GIMAP7: variants seen among roughly 807,000 people sequenced by gnomAD.
GIMAP7 encodes the protein GTPase IMAP family member 7.
For synonymous variants in GIMAP7, 137 were observed against 129.3 expected, an observed-to-expected ratio of 1.06 and a Z score of -0.40; for missense variants, 323 against 359.7, an observed-to-expected ratio of 0.90 and a Z score of 0.83.
In GIMAP7 at chr7:150,520,016, A is replaced by G. The variant is rs199907558; in HGVS notation, c.42A>G (p.Val14=). 6.9e-5 allele frequency: 111 copies of G among 1,614,008 alleles called. No individual in the cohort carries two copies. The highest frequency in any genetic ancestry group is 8.6e-5 in the Non-Finnish European group (101 of 1,180,000). ...SEDRSLRIVL[V]GKTGSGKSAT... is the part of the protein sequence containing the mutation. ...ACCGCTCCCTGAGGATCGTTCTGGT[A>G]GGGAAAACTGGAAGTGGGAAAAGTG... is the stretch of plus-strand genomic sequence containing the variant. The change falls in exon 2 of 2, where the codon GTA becomes GTG. Residue 14 remains valine, a synonymous_variant. Coordinates refer to ENST00000313543, the MANE Select transcript of GIMAP7 (RefSeq NM_153236.4).
chr7:150,517,258 G>T (rs1795144564), intron 1 of GIMAP7, among the ~76,000 whole-genome samples: 2 of 152,074 alleles, frequency 1.3e-5, no homozygotes, highest in Admixed American at 1.3e-4. Context: ...AATATATTTG[G>T]TATATTTTAA....
intron 1 of GIMAP7, among the ~76,000 whole-genome samples, chr7:150,519,693 A>C (rs1331222042): frequency 1.3e-5 from 2 of 152,168 alleles, no homozygotes; most frequent in Non-Finnish European, 2.9e-5. Context: ...TAAAAGGTTT[A>C]ATAGAATTCA....
rs559144497 is a variant in GIMAP7, at chr7:150,519,985, G to T, written c.11G>T (p.Ser4Ile). ...CCTCCTGACGTGAGCATGGCTGAGA[G>T]TGAGGACCGCTCCCTGAGGATCGTT... MAE[S>I]EDRSLRIVLV... The change falls in exon 2 of 2, where the codon AGT becomes ATT. Residue 4 changes from serine to isoleucine, a missense_variant. Transcript: ENST00000313543. 11 of 1,613,880 alleles carry T rather than the reference G, an allele frequency of 6.8e-6. No homozygotes were observed. Among genetic ancestry groups the T allele is most frequent in the Non-Finnish European group, 9.3e-6 (11 of 1,179,894 alleles).
At chr7:150,519,397 T>C (rs761200402) in intron 1 of GIMAP7, among the ~76,000 whole-genome samples, 1 of 152,206 alleles carries the variant, frequency 6.6e-6, no homozygotes, top group Non-Finnish European at 1.5e-5. Flanking sequence ...TCTTAACCTA[T>C]TAACGGGATG....
At chr7:150,519,638 A>G (rs1795166281) in intron 1 of GIMAP7, among the ~76,000 whole-genome samples, 1 of 152,128 alleles carries the variant, frequency 6.6e-6, no homozygotes, top group South Asian at 2.1e-4. Flanking sequence ...CCTTCTTTTT[A>G]TATGGCCAGG....
At chr7:150,519,904 C>CT (rs976379674) in intron 1 of GIMAP7, 30 bp from the exon 2 acceptor site, 183 of 1,449,254 alleles carry the variant, frequency 1.3e-4, no homozygotes, top group Non-Finnish European at 1.6e-4. Flanking sequence ...CTAAAACTGG[C>CT]TTTTTTTCCC....
rs182997420 is a variant in GIMAP7, at chr7:150,517,908, T to C, written c.-41-2026T>C. On this transcript the variant is annotated intron_variant, in intron 1 of 1. Coordinates refer to ENST00000313543, the MANE Select transcript of GIMAP7 (RefSeq NM_153236.4). ...TTCTTTTGTTTAGTTTTCAAATGGT[T>C]CTGCCATTGCTTTTTCACATGCACA... Among the ~76,000 whole-genome samples, 377 of 152,230 alleles carry C rather than the reference T, an allele frequency of 2.5e-3. 3 individuals are homozygous for C. The highest frequency in any genetic ancestry group is 2.2e-3 in the Non-Finnish European group (149 of 67,986).
chr7:150,520,454 C>A lies in GIMAP7; in HGVS notation c.480C>A (p.Cys160Ter). 6.2e-7 allele frequency: 1 copy of A among 1,614,174 alleles called. No homozygotes were observed. Among genetic ancestry groups the A allele is most frequent in the Non-Finnish European group, 8.5e-7 (1 of 1,180,032 alleles). ...GCCTAAAAAGCATCGTCAAGGAGTG[C>A]GGGAACCGCTGCTGTGCCTTTAGCA... ...DVGLKSIVKECGNRCCAFSNS... is the reference protein window; with the variant it reads ...DVGLKSIVKE Residue 160 changes from cysteine to a stop codon, truncating the protein, a stop_gained, in exon 2 of 2, where the codon TGC (cysteine) becomes TGA (stop). Transcript: ENST00000313543. LOFTEE classifies it low-confidence loss of function (END_TRUNC).
chr7:150,516,660 G>T (rs1795139884), intron 1 of GIMAP7, among the ~76,000 whole-genome samples: 1 of 152,154 alleles, frequency 6.6e-6, no homozygotes, highest in African/African-American at 2.4e-5. Context: ...TTCACTTAAT[G>T]TGTAGGTTTT....
At chr7:150,515,620 G>A (rs116976970) in intron 1 of GIMAP7, among the ~76,000 whole-genome samples, 2,123 of 152,262 alleles carry the variant, frequency 0.014, 29 homozygotes, top group Non-Finnish European at 0.02. Context: ...TTCTAGAACC[G>A]GTGGGTCTGG....
Position 150,520,375 on chromosome 7 carries a change from A to G in GIMAP7, c.401A>G (p.Lys134Arg). ...CACATGGTCATCTTGTTCACTCGCA[A>G]AGAAGAGTTGGAGGGCCAGAGCTTC... Reference protein sequence around the residue: ...MKHMVILFTRKEELEGQSFHD... With the variant: ...MKHMVILFTRREELEGQSFHD... The change falls in exon 2 of 2, where the codon AAA becomes AGA. Residue 134 changes from lysine (K) to arginine (R), a missense_variant. Physicochemically the swap from Lys to Arg is conservative, Grantham distance 26. Coordinates refer to ENST00000313543, the MANE Select transcript of GIMAP7 (RefSeq NM_153236.4). The G allele has an allele frequency of 6.2e-7, 1 of 1,614,238 alleles. No homozygotes were observed. The highest frequency in any genetic ancestry group is 8.5e-7 in the Non-Finnish European group (1 of 1,180,046).
chr7:150,515,198 T>C (rs1337025175), intron 1 of GIMAP7, among the ~76,000 whole-genome samples: 1 of 152,228 alleles, frequency 6.6e-6, no homozygotes, highest in Non-Finnish European at 1.5e-5. Context: ...GCTGTTGTGA[T>C]AGACACAGAG....
rs779265360 is a variant in GIMAP7 at position 150,520,190 on chromosome 7, G to C, written c.216G>C (p.Glu72Asp). Residue 72 changes from glutamate to aspartate, a missense_variant, in exon 2 of 2, where the codon GAG becomes GAC. By Grantham distance (45) the Glu-to-Asp change is conservative. Transcript: ENST00000313543. ...VDTPGLFDTK[E>D]SLDTTCKEIS... ...CTCCAGGGCTCTTTGACACCAAGGA[G>C]AGCCTGGACACCACCTGCAAGGAAA... is the stretch of plus-strand genomic sequence containing the variant. The C allele has an allele frequency of 6.2e-7, 1 of 1,614,118 alleles. No individual in the cohort carries two copies. Among genetic ancestry groups the C allele is most frequent in the Non-Finnish European group, 8.5e-7 (1 of 1,179,976 alleles).
chr7:150,517,466 G>A (rs903287842), intron 1 of GIMAP7, among the ~76,000 whole-genome samples: 4 of 152,040 alleles, frequency 2.6e-5, no homozygotes, highest in South Asian at 2.1e-4. Context: ...CTTTTTCCTA[G>A]TAGTCCTAAT....
rs751480260 is a variant in GIMAP7, at chr7:150,520,166, T to C, written c.192T>C (p.Thr64=). The change falls in exon 2 of 2, where the codon ACT becomes ACC. Residue 64 remains threonine, a synonymous_variant. Transcript: ENST00000313543. ...GGAGAGACCTTCTTGTTGTAGACAC[T>C]CCAGGGCTCTTTGACACCAAGGAGA... ...WQGRDLLVVD[T]PGLFDTKESL... 3 of 1,613,988 alleles carry C rather than the reference T, an allele frequency of 1.9e-6. No homozygotes were observed. The South Asian group carries it at 3.3e-5, about 18-fold the overall frequency.
chr7:150,520,250 C>T lies in GIMAP7; in HGVS notation c.276C>T (p.Pro92=), dbSNP rs200412468. Residue 92 remains proline, a synonymous_variant, in exon 2 of 2, where the codon CCC becomes CCT. Coordinates refer to ENST00000313543, the MANE Select transcript of GIMAP7 (RefSeq NM_153236.4). ...GCATCATCTCCTCCTGCCCAGGGCC[C>T]CATGCTATTGTCCTAGTTCTGCTGC... The part of the protein sequence containing the change: ...SRCIISSCPG[P]HAIVLVLLLG... The T allele has an allele frequency of 1.8e-4, 293 of 1,614,130 alleles. No homozygotes were observed. Among genetic ancestry groups the T allele is most frequent in the Non-Finnish European group, 2.4e-4 (280 of 1,180,014 alleles).
At chr7:150,515,754 T>TTAAAACTTGAGAAAGTG (rs1427885878) in intron 1 of GIMAP7, among the ~76,000 whole-genome samples, 3 of 152,026 alleles carry the variant, frequency 2.0e-5, no homozygotes, top group African/African-American at 7.3e-5. Flanking sequence ...TTGAGAAAGT[T>TTAAAACTTGAGAAAGTG]TTAAAGTGAT....
At chr7:150,516,341 A>G (rs1795137447) in intron 1 of GIMAP7, among the ~76,000 whole-genome samples, 1 of 152,194 alleles carries the variant, frequency 6.6e-6, no homozygotes. Flanking sequence ...TTAAAATCTC[A>G]CAGTTATCAA....
At chr7:150,519,795 A>G (rs1795168372) in intron 1 of GIMAP7, 139 bp from the exon 2 acceptor site, 1 of 582,820 alleles carries the variant, frequency 1.7e-6, no homozygotes, top group South Asian at 2.4e-5. Context: ...GGACTATTTC[A>G]TTTCTGTCTT....
Sources: gnomAD v4.1 joint callset for allele counts (sites outside exome capture counted in the v4.1 genomes callset) on GRCh38, gnomAD v4.1.1 for gene constraint, MANE v1.5 for transcripts, NCBI Gene and HGNC (gene_info 2026-07-23, HGNC 2026-07-21) for gene names.